The following TDRP variants were observed in gnomAD, a reference collection of about 807,000 sequenced individuals.
TDRP encodes the protein testis development related protein.
Under a neutral mutation model 10.5 loss-of-function variants are expected in TDRP, and 12 were observed. That is an observed-to-expected ratio of 1.15 (90% CI 0.73 to 1.86). TDRP has a LOEUF of 1.86. Among genes scored for constraint, TDRP ranks in the 40% most tolerant of loss-of-function variants. The probability of loss-of-function intolerance (pLI) is 0.00; values close to 1 mark genes in which losing one functional copy is unlikely to be tolerated. For synonymous variants in TDRP, 139 were observed against 95.4 expected (o/e 1.46, Z -2.67); for missense variants, 353 against 229.2 (o/e 1.54, Z -3.49).
chr8:529,519 A>G (rs952841027), intron 1 of TDRP, among the ~76,000 whole-genome samples: 1 of 152,168 alleles, frequency 6.6e-6, no homozygotes. Flanking sequence ...TTCAGCTTCA[A>G]AGAATCTCTT....
At chr8:533,521 G>C (rs1721667992) in intron 1 of TDRP, among the ~76,000 whole-genome samples, 1 of 152,146 alleles carries the variant, frequency 6.6e-6, no homozygotes, top group African/African-American at 2.4e-5. Context: ...CTGAAACTCA[G>C]GTTCTCATTT....
At chr8:497,553 A>T (rs1801170002) in intron 1 of TDRP, among the ~76,000 whole-genome samples, 3 of 152,248 alleles carry the variant, frequency 2.0e-5, no homozygotes, top group Admixed American at 2.0e-4. Flanking sequence ...AAAGGCAAGC[A>T]GAGCATACAA....
At chr8:540,867 T>G (rs1427258523) in intron 1 of TDRP, among the ~76,000 whole-genome samples, 1 of 146,852 alleles carries the variant, frequency 6.8e-6, no homozygotes, top group Non-Finnish European at 1.5e-5. Flanking sequence ...ACAGGACGGA[T>G]ATGATTGCAA....
intron 1 of TDRP, among the ~76,000 whole-genome samples, chr8:509,245 T>A (rs1167778181): frequency 6.6e-6 from 1 of 152,220 alleles, no homozygotes; most frequent in East Asian, 1.9e-4. Flanking sequence ...TGGCCCTTTT[T>A]TCACAGTTAC....
intron 1 of TDRP, among the ~76,000 whole-genome samples, chr8:501,000 A>G (rs569579405): frequency 6.6e-6 from 1 of 152,104 alleles, no homozygotes; most frequent in African/African-American, 2.4e-5. Context: ...AGGTCAGGAG[A>G]TCGAGACCAT....
At chr8:496,261 G>A (rs775889706) in intron 1 of TDRP, among the ~76,000 whole-genome samples, 1 of 152,328 alleles carries the variant, frequency 6.6e-6, no homozygotes, top group East Asian at 1.9e-4. Flanking sequence ...TCAGGTAAAG[G>A]ATTACGTCTG....
Position 490,562 on chromosome 8 carries a change from A to G in TDRP, c.*1837T>C, listed in dbSNP as rs1368153001. 1 of 152,204 alleles carries G rather than the reference A, an allele frequency of 6.6e-6. No homozygotes were observed. The highest frequency in any genetic ancestry group is 6.5e-5 in the Admixed American group (1 of 15,286). 9.4% of individuals were successfully genotyped at this position (152,204 alleles called of 1,614,324 possible). ...GTTTACATTCCTGCGCAGCAAGACCATGTTAGCCAAAAACAAACCTACACT... is the reference window on the plus strand; with the variant it reads ...GTTTACATTCCTGCGCAGCAAGACCGTGTTAGCCAAAAACAAACCTACACT... On this transcript the variant is annotated 3_prime_UTR_variant, in exon 3 of 3. Transcript: ENST00000324079.
chr8:523,324 T>C (rs550554064), intron 1 of TDRP, among the ~76,000 whole-genome samples: 20 of 152,340 alleles, frequency 1.3e-4, no homozygotes, highest in African/African-American at 4.3e-4. Flanking sequence ...ATTAATTTTT[T>C]CGGGGGGAAT....
intron 1 of TDRP, among the ~76,000 whole-genome samples, chr8:533,068 T>C (rs1462452503): frequency 6.6e-6 from 1 of 152,226 alleles, no homozygotes; most frequent in African/African-American, 2.4e-5. Flanking sequence ...GACCCAGGCC[T>C]GCCTCCAGAC....
chr8:542,431 G>A (rs573851162), intron 1 of TDRP, among the ~76,000 whole-genome samples: 1 of 152,094 alleles, frequency 6.6e-6, no homozygotes, highest in East Asian at 1.9e-4. Flanking sequence ...ATTCTGTGGG[G>A]GTGATGATAG....
intron 1 of TDRP, among the ~76,000 whole-genome samples, chr8:526,503 G>C (rs192086216): frequency 1.8e-4 from 28 of 152,288 alleles, no homozygotes; most frequent in Admixed American, 1.0e-3. Flanking sequence ...GTGTTGATAT[G>C]ATGTATCACG....
At chr8:513,904 T>C (rs1380322204) in intron 1 of TDRP, among the ~76,000 whole-genome samples, 5 of 152,162 alleles carry the variant, frequency 3.3e-5, no homozygotes, top group African/African-American at 1.2e-4. Context: ...TACAATTACA[T>C]CAAAATAATA....
At position 491,575 on chromosome 8, in the gene TDRP, G is replaced by T; in HGVS notation, c.*824C>A. On this transcript the variant is annotated 3_prime_UTR_variant, in exon 3 of 3. Coordinates refer to ENST00000324079, the MANE Select transcript of TDRP (RefSeq NM_001384899.1). ...AGCCTAATAAAAAAGAGGCACTTCA[G>T]TATTTTATGCACAGTCTTAACTCTC... The T allele has an allele frequency of 1.3e-6, 2 of 1,490,524 alleles. No individual in the cohort carries two copies. Among genetic ancestry groups the T allele is most frequent in the South Asian group, 1.3e-5 (1 of 74,898 alleles). 92.3% of individuals were successfully genotyped at this position (1,490,524 alleles called of 1,614,324 possible).
chr8:525,403 A>T (rs1309333317), intron 1 of TDRP, among the ~76,000 whole-genome samples: 1 of 152,218 alleles, frequency 6.6e-6, no homozygotes, highest in Non-Finnish European at 1.5e-5. Context: ...AAGTACATAG[A>T]AAAACAGAAT....
In TDRP at chr8:491,649, A is replaced by C. The variant is rs1230714118; in HGVS notation, c.*750T>G. 3.3e-6 allele frequency: 5 copies of C among 1,531,592 alleles called. No homozygotes were observed. The East Asian group carries it at 7.4e-5, about 23-fold the overall frequency. 94.9% of individuals were successfully genotyped at this position (1,531,592 alleles called of 1,614,324 possible). A position where few individuals can be genotyped will look rare whatever the true frequency, so the allele number is the denominator to read the frequency against. On this transcript the variant is annotated 3_prime_UTR_variant, in exon 3 of 3. Coordinates refer to ENST00000324079, the MANE Select transcript of TDRP (RefSeq NM_001384899.1). ...CTAAATGAAATTATCAACTGACTAAAATTGATCCATACTTCTTTAATCTGT... is the reference window on the plus strand; with the variant it reads ...CTAAATGAAATTATCAACTGACTAACATTGATCCATACTTCTTTAATCTGT...
At position 491,541 on chromosome 8, in the gene TDRP, A is replaced by C; in HGVS notation, c.*858T>G. 1.4e-6 allele frequency: 2 copies of C among 1,412,298 alleles called. No homozygotes were observed. The highest frequency in any genetic ancestry group is 1.9e-6 in the Non-Finnish European group (2 of 1,066,176). 87.5% of individuals were successfully genotyped at this position (1,412,298 alleles called of 1,614,324 possible). Reference sequence around the variant, plus strand: ...AATAGGCATCTCGCTTTGCAAGAACAAACATATGAGCCTAATAAAAAAGAG... The same window carrying C: ...AATAGGCATCTCGCTTTGCAAGAACCAACATATGAGCCTAATAAAAAAGAG... On this transcript the variant is annotated 3_prime_UTR_variant, in exon 3 of 3. Coordinates refer to ENST00000324079, the MANE Select transcript of TDRP (RefSeq NM_001384899.1).
In TDRP at chr8:538,494, A is replaced by G. The variant is rs187703489; in HGVS notation, c.108+6156T>C. 9.8e-5 allele frequency among the ~76,000 whole-genome samples: 15 copies of G among 152,350 alleles called. No homozygotes were observed. In the East Asian group the frequency reaches 2.5e-3, roughly 25 times the overall value. ...TGAACAGGGGCTAAGCACCGCCTCAATAAACACTAGTGATAGCTCTATTTA... is the reference window on the plus strand; with the variant it reads ...TGAACAGGGGCTAAGCACCGCCTCAGTAAACACTAGTGATAGCTCTATTTA... On this transcript the variant is annotated intron_variant, in intron 1 of 2. Coordinates refer to ENST00000324079, the MANE Select transcript of TDRP (RefSeq NM_001384899.1).
At chr8:515,832 A>G (rs1477737776) in intron 1 of TDRP, among the ~76,000 whole-genome samples, 2 of 152,210 alleles carry the variant, frequency 1.3e-5, no homozygotes, top group African/African-American at 4.8e-5. Context: ...TTATATAATT[A>G]CTTTTAGACA....
chr8:532,669 T>C (rs542141593), intron 1 of TDRP, among the ~76,000 whole-genome samples: 1 of 152,354 alleles, frequency 6.6e-6, no homozygotes, highest in South Asian at 2.1e-4. Flanking sequence ...TTTCTGAGTT[T>C]AGCATTAAGA....
Sources: gnomAD v4.1 joint callset for allele counts (sites outside exome capture counted in the v4.1 genomes callset) on GRCh38, gnomAD v4.1.1 for gene constraint, MANE v1.5 for transcripts, NCBI Gene and HGNC (gene_info 2026-07-23, HGNC 2026-07-21) for gene names.